PTK2: variants seen among roughly 807,000 people sequenced by gnomAD.
PTK2 encodes protein tyrosine kinase 2.
Under a neutral mutation model 150.1 loss-of-function variants are expected in PTK2, and 45 were observed. That is an observed-to-expected ratio of 0.30 (90% CI 0.24 to 0.38). The LOEUF (loss-of-function observed/expected upper bound fraction) is 0.38. Ranked by LOEUF, PTK2 falls within the 10% of genes least tolerant of loss-of-function variation. The pLI is 1.00. For synonymous variants in PTK2, 432 were observed against 449.2 expected, an observed-to-expected ratio of 0.96 and a Z score of 0.48; for missense variants, 919 against 1,307.3, an observed-to-expected ratio of 0.70 and a Z score of 4.58.
intron 15 of PTK2, among the ~76,000 whole-genome samples, chr8:140,763,505 T>A (rs909029823): frequency 2.4e-4 from 37 of 152,162 alleles, no homozygotes; most frequent in African/African-American, 7.5e-4. Flanking sequence ...AAAATGAAAT[T>A]AAGAAATAAA....
intron 1 of PTK2, among the ~76,000 whole-genome samples, chr8:140,948,967 T>C (rs1175600180): frequency 6.6e-6 from 1 of 151,960 alleles, no homozygotes; most frequent in East Asian, 1.9e-4. Flanking sequence ...ACACTGAGTG[T>C]GCCTGCCTCT....
At chr8:140,946,823 T>C (rs2100177869) in intron 1 of PTK2, among the ~76,000 whole-genome samples, 1 of 152,228 alleles carries the variant, frequency 6.6e-6, no homozygotes, top group African/African-American at 2.4e-5. Context: ...CTGTTTGGTC[T>C]ACTGATACAT....
intron 14 of PTK2, among the ~76,000 whole-genome samples, chr8:140,770,222 T>C (rs1239955334): frequency 1.3e-5 from 2 of 152,222 alleles, no homozygotes; most frequent in South Asian, 2.1e-4. Flanking sequence ...TCAATTATTA[T>C]AAATAATCTT....
Position 140,846,582 on chromosome 8 carries a change from TA to T in PTK2, c.530+16del, listed in dbSNP as rs746115654. ...AAATTGATAAATAAAGGCCGCAATG[TA>T]TAGTTATCATCTTACCGTATTTCTA... is the stretch of plus-strand genomic sequence containing the variant. On this transcript the variant is annotated intron_variant, in intron 6 of 31. Coordinates refer to ENST00000522684, the Ensembl canonical transcript of PTK2. 1 of 1,562,730 alleles carries T rather than the reference TA, an allele frequency of 6.4e-7. No homozygotes were observed. The highest frequency in any genetic ancestry group is 1.1e-5 in the South Asian group (1 of 88,086).
intron 22 of PTK2, chr8:140,718,853 C>T (rs2100041210): frequency 6.6e-6 from 1 of 152,140 alleles, no homozygotes; most frequent in African/African-American, 2.4e-5. Context: ...TTTTCATCCC[C>T]AAAACAAAAG....
At chr8:140,805,792 C>A (rs1000553083) in intron 10 of PTK2, among the ~76,000 whole-genome samples, 52 of 152,232 alleles carry the variant, frequency 3.4e-4, no homozygotes, top group African/African-American at 1.2e-3. Flanking sequence ...TCCTAGTTTC[C>A]CTTCATCCAT....
chr8:140,959,242 A>G (rs951963922), intron 1 of PTK2, among the ~76,000 whole-genome samples: 4 of 152,142 alleles, frequency 2.6e-5, no homozygotes, highest in Non-Finnish European at 4.4e-5. Flanking sequence ...TTTTTTAAAC[A>G]AAAGTAGGCC....
chr8:140,668,516 A>C, intron 29 of PTK2, 92 bp from the exon 34 acceptor site: 12 of 1,391,088 alleles, frequency 8.6e-6, no homozygotes, highest in Non-Finnish European at 9.8e-6. Context: ...ACAAGAGATC[A>C]AAGCAGATTG....
chr8:140,789,412 C>A, intron 14 of PTK2, 62 bp downstream of exon 14: 1 of 1,496,108 alleles, frequency 6.7e-7, no homozygotes, highest in Non-Finnish European at 9.2e-7. Flanking sequence ...TAAAAATAGA[C>A]ATCTATGATC....
intron 26 of PTK2, 167 bp downstream of exon 29, chr8:140,700,724 C>T (rs2100029734): frequency 6.8e-6 from 5 of 739,986 alleles, no homozygotes; most frequent in Non-Finnish European, 1.0e-5. Context: ...GATCTGCTTG[C>T]CTCAGCCTCC....
chr8:140,814,174 C>T (rs1200635740), intron 10 of PTK2, among the ~76,000 whole-genome samples: 2 of 152,132 alleles, frequency 1.3e-5, no homozygotes, highest in Non-Finnish European at 2.9e-5. Flanking sequence ...AGCCTACCAA[C>T]CCAATAAAGC....
chr8:140,964,812 T>C (rs1420802088), intron 1 of PTK2, among the ~76,000 whole-genome samples: 2 of 152,190 alleles, frequency 1.3e-5, no homozygotes, highest in Non-Finnish European at 2.9e-5. Context: ...CTGCTATACA[T>C]TCCTGGCATC....
exon 19 of PTK2, chr8:140,744,762 C>T (rs2100057725): frequency 6.4e-7 from 1 of 1,556,816 alleles, no homozygotes; most frequent in Admixed American, 1.8e-5. Context: ...GCAAAAATGA[C>T]CTCAGCTTTT....
intron 26 of PTK2, among the ~76,000 whole-genome samples, chr8:140,691,632 G>A (rs77549369): frequency 0.01 from 1,540 of 152,274 alleles, 27 homozygotes; most frequent in African/African-American, 0.036. Context: ...CAAACAGGTG[G>A]AGGAAATGAA....
intron 14 of PTK2, among the ~76,000 whole-genome samples, chr8:140,781,697 T>C (rs2100081763): frequency 6.6e-6 from 1 of 152,248 alleles, no homozygotes; most frequent in Non-Finnish European, 1.5e-5. Context: ...GTCTGCACTG[T>C]CTGCACTGCC....
At chr8:140,929,668 T>C (rs1021794211) in intron 1 of PTK2, among the ~76,000 whole-genome samples, 39 of 152,002 alleles carry the variant, frequency 2.6e-4, no homozygotes, top group Non-Finnish European at 4.7e-4. Context: ...ATCTTTTCCA[T>C]CACCCTAAAT....
intron 10 of PTK2, among the ~76,000 whole-genome samples, chr8:140,810,506 T>G (rs1015066161): frequency 2.0e-5 from 3 of 152,188 alleles, no homozygotes; most frequent in Admixed American, 1.3e-4. Flanking sequence ...TGACCGCTTC[T>G]GACCAGCAGA....
chr8:140,703,725 C>T (rs2100032086), intron 24 of PTK2, among the ~76,000 whole-genome samples: 1 of 152,276 alleles, frequency 6.6e-6, no homozygotes, highest in Non-Finnish European at 1.5e-5. Context: ...AGAGAGAAGA[C>T]ATTCAGTTGG....
chr8:140,675,697 T>C, intron 27 of PTK2, 198 bp from the exon 31 acceptor site: 1 of 547,814 alleles, frequency 1.8e-6, no homozygotes. Context: ...CAATAGCATG[T>C]GTGGAAAGGG....
Sources: allele counts gnomAD v4.1 joint callset (sites outside exome capture counted in the v4.1 genomes callset), GRCh38; gene constraint gnomAD v4.1.1; transcripts MANE v1.5; gene names NCBI Gene and HGNC (gene_info 2026-07-23, HGNC 2026-07-21).